The following SGCZ variants were observed in gnomAD, a reference collection of about 807,000 sequenced individuals.
SGCZ encodes the protein sarcoglycan zeta.
In SGCZ, 40 loss-of-function variants were observed where a neutral mutation model predicts 41.3. The observed-to-expected ratio is 0.97, with a 90% CI of 0.75 to 1.26. The LOEUF (loss-of-function observed/expected upper bound fraction) is 1.26, where lower values mean the gene tolerates loss of function less well. Ranked by LOEUF, SGCZ falls within the 50% of genes most tolerant of loss-of-function variation. The pLI is 0.00. For synonymous variants in SGCZ, 206 were observed against 137.5 expected (o/e 1.50, Z -3.49); for missense variants, 552 against 369.8 (o/e 1.49, Z -4.04).
Position 14,975,873 on chromosome 8 carries a change from TACAC to T in SGCZ, c.39+261708_39+261711del, listed in dbSNP as rs10542601. 5.5e-3 allele frequency among the ~76,000 whole-genome samples: 771 copies of T among 141,270 alleles called. 9 individuals are homozygous for T. Among genetic ancestry groups the T allele is most frequent in the African/African-American group, 0.017 (650 of 37,930 alleles). 92.7% of individuals were successfully genotyped at this position (141,270 alleles called of 152,430 possible). On this transcript the variant is annotated intron_variant, in intron 1 of 7. Coordinates refer to ENST00000382080, the MANE Select transcript of SGCZ (RefSeq NM_139167.4). The stretch of plus-strand genomic sequence containing the variant: ...CAGGCTTTAAAATCAAGAAAAATTT[TACAC>T]ACACACACACACACACACATATATA...
chr8:14,273,881 T>A (rs1413461387), intron 3 of SGCZ, among the ~76,000 whole-genome samples: 3 of 152,122 alleles, frequency 2.0e-5, no homozygotes, highest in Non-Finnish European at 4.4e-5. Flanking sequence ...ATCTTAGAAG[T>A]CTGAAAGAGG....
At chr8:15,095,843 T>C (rs373286368) in intron 1 of SGCZ, among the ~76,000 whole-genome samples, 3 of 152,256 alleles carry the variant, frequency 2.0e-5, no homozygotes, top group Non-Finnish European at 2.9e-5. Context: ...ACAAGTTATG[T>C]TCCCGGTAAA....
intron 1 of SGCZ, among the ~76,000 whole-genome samples, chr8:14,837,623 T>C (rs1802745461): frequency 6.6e-6 from 1 of 152,172 alleles, no homozygotes; most frequent in African/African-American, 2.4e-5. Context: ...CACCCTCTCT[T>C]CCCTCATTTG....
At chr8:14,153,375 G>A (rs1585182970) in intron 5 of SGCZ, among the ~76,000 whole-genome samples, 1 of 152,164 alleles carries the variant, frequency 6.6e-6, no homozygotes, top group Non-Finnish European at 1.5e-5. Flanking sequence ...TTGTCAAAGA[G>A]TGAGCTCCAG....
At chr8:15,000,421 C>T (rs1488601811) in intron 1 of SGCZ, among the ~76,000 whole-genome samples, 2 of 152,096 alleles carry the variant, frequency 1.3e-5, no homozygotes, top group Non-Finnish European at 1.5e-5. Flanking sequence ...AAGGGTTATG[C>T]GAGTCCTACA....
intron 2 of SGCZ, among the ~76,000 whole-genome samples, chr8:14,387,242 G>A (rs1470103088): frequency 6.6e-6 from 1 of 152,140 alleles, no homozygotes; most frequent in Admixed American, 6.6e-5. Context: ...CGGAAATACA[G>A]TGTCTTGCTC....
chr8:14,859,288 A>G (rs1184771983), intron 1 of SGCZ, among the ~76,000 whole-genome samples: 2 of 152,158 alleles, frequency 1.3e-5, no homozygotes, highest in Admixed American at 1.3e-4. Flanking sequence ...GTATAGCAGT[A>G]AAGACTATAG....
chr8:14,825,095 C>A (rs946205640), intron 1 of SGCZ, among the ~76,000 whole-genome samples: 4 of 151,656 alleles, frequency 2.6e-5, no homozygotes, highest in African/African-American at 9.7e-5. Flanking sequence ...TCATCAGCAT[C>A]CAGCTAGTAA....
chr8:14,793,832 C>A (rs997396826), intron 1 of SGCZ, among the ~76,000 whole-genome samples: 30 of 152,032 alleles, frequency 2.0e-4, no homozygotes, highest in African/African-American at 5.6e-4. Context: ...TTGAAAGAAG[C>A]TGAAATAGAG....
At chr8:15,174,732 T>C (rs192818605) in intron 1 of SGCZ, among the ~76,000 whole-genome samples, 2 of 152,216 alleles carry the variant, frequency 1.3e-5, no homozygotes, top group African/African-American at 4.8e-5. Context: ...TCTTAATTGT[T>C]GCCAGTGTAA....
intron 2 of SGCZ, among the ~76,000 whole-genome samples, chr8:14,377,657 C>G (rs967634415): frequency 6.6e-6 from 1 of 151,908 alleles, no homozygotes; most frequent in African/African-American, 2.4e-5. Flanking sequence ...TTAGGTATAT[C>G]TCCCAATACT....
intron 1 of SGCZ, among the ~76,000 whole-genome samples, chr8:14,768,928 T>A (rs541319797): frequency 1.3e-5 from 2 of 152,138 alleles, no homozygotes; most frequent in South Asian, 4.1e-4. Flanking sequence ...GAAATGGAAC[T>A]GGCAGCATTA....
chr8:14,192,290 T>G (rs1563177551), intron 4 of SGCZ, among the ~76,000 whole-genome samples: 2 of 152,018 alleles, frequency 1.3e-5, no homozygotes, highest in South Asian at 4.1e-4. Flanking sequence ...TAAAGAATAC[T>G]GCTGTATTTA....
intron 1 of SGCZ, among the ~76,000 whole-genome samples, chr8:14,858,649 T>G (rs1803622356): frequency 6.6e-6 from 1 of 152,180 alleles, no homozygotes; most frequent in South Asian, 2.1e-4. Flanking sequence ...CTTTCCTACG[T>G]GGTTGCATTA....
chr8:14,423,800 A>T (rs1415931116), intron 2 of SGCZ, among the ~76,000 whole-genome samples: 1 of 151,582 alleles, frequency 6.6e-6, no homozygotes, highest in African/African-American at 2.4e-5. Flanking sequence ...CATCATTTTT[A>T]CCACTCTCCC....
chr8:14,361,755 G>C (rs1022789342), intron 2 of SGCZ, among the ~76,000 whole-genome samples: 2 of 152,184 alleles, frequency 1.3e-5, no homozygotes, highest in Non-Finnish European at 2.9e-5. Flanking sequence ...TGGAGGAGAA[G>C]AGGCATTCCG....
In SGCZ at chr8:14,821,196, C is replaced by T. The variant is rs1044288999; in HGVS notation, c.40-266270G>A. Among the ~76,000 whole-genome samples, 6 of 151,932 alleles carry T rather than the reference C, an allele frequency of 3.9e-5. No individual in the cohort carries two copies. In the East Asian group the frequency reaches 1.2e-3, roughly 29 times the overall value. ...AGACTATTATGAATGAACAGCTTCA[C>T]ATCAACAAATTTGATAGCACAGAAG... On this transcript the variant is annotated intron_variant, in intron 1 of 7. Transcript: ENST00000382080.
chr8:14,456,513 G>C (rs1800749449), intron 2 of SGCZ, among the ~76,000 whole-genome samples: 1 of 152,064 alleles, frequency 6.6e-6, no homozygotes, highest in African/African-American at 2.4e-5. Flanking sequence ...GAAAGCAGAG[G>C]ACTTAGGAAA....
At chr8:14,882,184 A>G (rs554897196) in intron 1 of SGCZ, among the ~76,000 whole-genome samples, 15 of 152,330 alleles carry the variant, frequency 9.8e-5, no homozygotes, top group African/African-American at 2.4e-4. Context: ...AGTAGCTCCT[A>G]TATCTGAGGC....
Sources: allele counts gnomAD v4.1 joint callset (sites outside exome capture counted in the v4.1 genomes callset), GRCh38; gene constraint gnomAD v4.1.1; transcripts MANE v1.5; gene names NCBI Gene and HGNC (gene_info 2026-07-23, HGNC 2026-07-21).